Variants in CHD4 observed in about 807,000 individuals in gnomAD.
CHD4 encodes the protein ATP-dependent chromatin remodeler CHD4.
In CHD4, 35 loss-of-function variants were observed where a neutral mutation model predicts 235.5. That is an observed-to-expected ratio of 0.15 (90% CI 0.11 to 0.20). CHD4 has a LOEUF of 0.20. CHD4 is among the 10% of genes least tolerant of loss of function. The pLI is 1.00. For missense variants in CHD4, 1,329 were observed against 2,432.3 expected (o/e 0.55, Z 9.54); for synonymous variants, 900 against 850.2 (o/e 1.06, Z -1.02).
chr12:6,583,400 G>T (rs1369846830), intron 25 of CHD4, 22 bp from the exon 26 acceptor site: 2 of 1,586,374 alleles, frequency 1.3e-6, no homozygotes, highest in East Asian at 4.5e-5. Flanking sequence ...GGAGGGCCAG[G>T]ACTCAGGAGT....
At chr12:6,597,097 G>A (rs1474938128) in intron 12 of CHD4, among the ~76,000 whole-genome samples, 2 of 141,168 alleles carry the variant, frequency 1.4e-5, no homozygotes, top group African/African-American at 5.4e-5. Flanking sequence ...GTGAAATCCC[G>A]TCTCTACTAA....
At chr12:6,573,444 C>A (rs1269101379) in intron 37 of CHD4, 175 bp from the exon 38 acceptor site, 3 of 432,736 alleles carry the variant, frequency 6.9e-6, no homozygotes, top group African/African-American at 6.1e-5. Context: ...TAACTTTTTT[C>A]TTTCCCTTTT....
chr12:6,605,788 C>G (rs1208528086), intron 2 of CHD4, among the ~76,000 whole-genome samples: 1 of 152,174 alleles, frequency 6.6e-6, no homozygotes, highest in Non-Finnish European at 1.5e-5. Context: ...GCACAGAAAA[C>G]CGGTAACCGA....
At chr12:6,596,240 T>G in intron 12 of CHD4, 103 bp from the exon 13 acceptor site, 4 of 1,429,390 alleles carry the variant, frequency 2.8e-6, no homozygotes, top group Non-Finnish European at 3.8e-6. Context: ...GACCTCTAGG[T>G]ATGCCACAGA....
chr12:6,579,170 C>T (rs1948126114), intron 33 of CHD4: 1 of 414,116 alleles, frequency 2.4e-6, no homozygotes, highest in Non-Finnish European at 4.5e-6. Flanking sequence ...CAAAAATTAG[C>T]TGGGTGCGGT....
At position 6,598,368 on chromosome 12, in the gene CHD4, G is replaced by A. The variant is rs1948534724; in HGVS notation, c.1540C>T (p.Pro514Ser). 6.2e-7 allele frequency: 1 copy of A among 1,613,754 alleles called. No homozygotes were observed. Among genetic ancestry groups the A allele is most frequent in the South Asian group, 1.1e-5 (1 of 91,060 alleles). ...KILIWKWGQP[P>S]SPTPVPRPPD... ...GGCCGAGGCACTGGTGTGGGAGATG[G>A]TGGCTGACCCCACTTCCAGATTAGG... The change falls in exon 11 of 40, where the codon CCA becomes TCA. Residue 514 changes from proline (P) to serine (S), a missense_variant. Pro to Ser is a moderately conservative substitution (Grantham distance 74, BLOSUM62 -1). This residue lies in a region of CHD4 where 45 missense variants were observed against 47.5 expected (regional missense o/e 0.95). Coordinates refer to ENST00000544040, the MANE Select transcript of CHD4 (RefSeq NM_001273.5).
chr12:6,584,659 T>C (rs1948250355), intron 25 of CHD4: 1 of 152,254 alleles, frequency 6.6e-6, no homozygotes, highest in Non-Finnish European at 1.5e-5. Flanking sequence ...ACTGGGATTC[T>C]AGGCATGAGC....
At chr12:6,606,497 ACT>A (rs1948703512) in intron 1 of CHD4, 46 bp from the exon 2 acceptor site, 1 of 552,558 alleles carries the variant, frequency 1.8e-6, no homozygotes, top group African/African-American at 2.0e-5. Flanking sequence ...AGTGACGCGC[ACT>A]GTCCCCCTCC....
intron 13 of CHD4, 97 bp downstream of exon 13, chr12:6,595,909 G>T: frequency 7.4e-7 from 1 of 1,358,680 alleles, no homozygotes; most frequent in East Asian, 2.5e-5. Flanking sequence ...AGTGAGTCAA[G>T]ATCACGCCAC....
intron 37 of CHD4, among the ~76,000 whole-genome samples, chr12:6,577,002 T>C (rs1222479343): frequency 2.0e-5 from 3 of 151,918 alleles, no homozygotes; most frequent in Non-Finnish European, 4.4e-5. Context: ...CGTAGCACGA[T>C]CTCAGCTCAC....
chr12:6,597,339 G>A (rs572583477), intron 12 of CHD4, among the ~76,000 whole-genome samples: 17 of 152,234 alleles, frequency 1.1e-4, no homozygotes, highest in Middle Eastern at 3.4e-3. Flanking sequence ...AGTAGCTCAC[G>A]CCTGTAATCC....
At position 6,592,077 on chromosome 12, in the gene CHD4, A is replaced by C; in HGVS notation, c.2949-20T>G. The C allele has an allele frequency of 1.2e-6, 2 of 1,613,878 alleles. No individual in the cohort carries two copies. The highest frequency in any genetic ancestry group is 4.5e-5 in the East Asian group (2 of 44,892). On this transcript the variant is annotated intron_variant, in intron 19 of 39. Transcript: ENST00000544040. ...TATTTCCTACATGGGCAAGGTAGAA[A>C]GACAGGTTAGACTTGAGAGCCTTTC...
At chr12:6,577,082 G>A (rs980461085) in intron 37 of CHD4, among the ~76,000 whole-genome samples, 3 of 152,060 alleles carry the variant, frequency 2.0e-5, no homozygotes, top group African/African-American at 4.8e-5. Flanking sequence ...GATTACAGGC[G>A]TGAGCCACCG....
At chr12:6,601,905 G>C (rs759061062) in intron 4 of CHD4, 55 bp downstream of exon 4, 1 of 1,595,042 alleles carries the variant, frequency 6.3e-7, no homozygotes, top group Non-Finnish European at 8.6e-7. Flanking sequence ...AGGTGTCTAG[G>C]AAACAAAAAG....
At chr12:6,606,621 T>G in intron 1 of CHD4, 170 bp from the exon 2 acceptor site, 9 of 374,358 alleles carry the variant, frequency 2.4e-5, no homozygotes, top group Non-Finnish European at 1.4e-5. Context: ...GGAAGCCGGC[T>G]CCCCGGCAGG....
chr12:6,605,702 C>T (rs1225139644), intron 2 of CHD4, among the ~76,000 whole-genome samples: 1 of 152,180 alleles, frequency 6.6e-6, no homozygotes, highest in African/African-American at 2.4e-5. Flanking sequence ...CAAAACATTC[C>T]AGCAATCTGC....
chr12:6,605,944 A>C (rs907760410), intron 2 of CHD4, among the ~76,000 whole-genome samples: 6 of 151,940 alleles, frequency 3.9e-5, no homozygotes, highest in East Asian at 1.9e-4. Context: ...CCACCACCAC[A>C]AGCCTCCAGG....
At chr12:6,603,830 C>A (rs545221548) in intron 2 of CHD4, among the ~76,000 whole-genome samples, 67 of 152,246 alleles carry the variant, frequency 4.4e-4, no homozygotes, top group African/African-American at 1.5e-3. Flanking sequence ...AACCTTCTCC[C>A]CAAATTTCTG....
At chr12:6,576,155 G>A (rs999967186) in intron 37 of CHD4, among the ~76,000 whole-genome samples, 1 of 151,794 alleles carries the variant, frequency 6.6e-6, no homozygotes, top group Admixed American at 6.6e-5. Context: ...TCAAGAGATC[G>A]AGACCATCCT....
Sources: allele counts gnomAD v4.1 joint callset (sites outside exome capture counted in the v4.1 genomes callset), GRCh38; gene constraint gnomAD v4.1.1; regional missense constraint gnomAD v4.1.1; transcripts MANE v1.5; gene names NCBI Gene and HGNC (gene_info 2026-07-23, HGNC 2026-07-21).